LDLRAD4: variants seen among roughly 807,000 people sequenced by gnomAD.
The protein encoded by LDLRAD4 is low-density lipoprotein receptor class A domain-containing protein 4.
In LDLRAD4, 5 loss-of-function variants were observed where a neutral mutation model predicts 17.0. The ratio of observed to expected loss-of-function variants is 0.29; its 90% CI spans 0.15 to 0.62. The LOEUF (loss-of-function observed/expected upper bound fraction) is 0.62, where lower values mean the gene tolerates loss of function less well. Among genes scored for constraint, LDLRAD4 ranks in the 20% least tolerant of loss-of-function variants. The pLI, the probability that LDLRAD4 is intolerant of heterozygous loss-of-function variation, is 0.84. For missense variants in LDLRAD4, 340 were observed against 424.7 expected, an observed-to-expected ratio of 0.80 and a Z score of 1.75; for synonymous variants, 168 against 171.8, an observed-to-expected ratio of 0.98 and a Z score of 0.17.
intron 2 of LDLRAD4, among the ~76,000 whole-genome samples, chr18:13,391,304 G>T (rs1392699282): frequency 2.6e-5 from 4 of 152,148 alleles, no homozygotes; most frequent in Non-Finnish European, 4.4e-5. Flanking sequence ...CACTCGGGCT[G>T]TGGGGGAGGG....
intron 3 of LDLRAD4, among the ~76,000 whole-genome samples, chr18:13,594,193 G>A (rs553179356): frequency 1.3e-5 from 2 of 152,140 alleles, no homozygotes; most frequent in Non-Finnish European, 2.9e-5. Context: ...GGTAGAGCAG[G>A]TGTGTGCCAT....
At chr18:13,608,343 A>C (rs1299513655) in intron 3 of LDLRAD4, among the ~76,000 whole-genome samples, 1 of 151,854 alleles carries the variant, frequency 6.6e-6, no homozygotes, top group Non-Finnish European at 1.5e-5. Flanking sequence ...AGGGGGAGGC[A>C]ACTGGAGGGG....
At chr18:13,590,050 CAT>C (rs1368423576) in intron 3 of LDLRAD4, among the ~76,000 whole-genome samples, 2 of 146,592 alleles carry the variant, frequency 1.4e-5, no homozygotes, top group Non-Finnish European at 3.0e-5. Flanking sequence ...TGTGAGTGTG[CAT>C]GTGTGTGACT....
At chr18:13,504,935 G>A (rs771601111) in intron 3 of LDLRAD4, among the ~76,000 whole-genome samples, 7 of 152,098 alleles carry the variant, frequency 4.6e-5, no homozygotes, top group Non-Finnish European at 1.0e-4. Context: ...CACATGCACC[G>A]ACGAGGGGTG....
intron 3 of LDLRAD4, among the ~76,000 whole-genome samples, chr18:13,445,247 CTGTG>C (rs768943125): frequency 1.3e-5 from 2 of 152,096 alleles, no homozygotes; most frequent in South Asian, 4.1e-4. Flanking sequence ...AGGTGTGAGT[CTGTG>C]TGTGTATGCA....
At chr18:13,298,935 A>G (rs562872161) in intron 1 of LDLRAD4, among the ~76,000 whole-genome samples, 3 of 152,282 alleles carry the variant, frequency 2.0e-5, no homozygotes, top group South Asian at 2.1e-4. Context: ...ATTCTGGGGG[A>G]GCATCCACAG....
chr18:13,482,371 T>C (rs1476911796), intron 3 of LDLRAD4, among the ~76,000 whole-genome samples: 1 of 152,210 alleles, frequency 6.6e-6, no homozygotes, highest in East Asian at 1.9e-4. Context: ...CATGTGCTTA[T>C]TCTGTGCAAA....
At chr18:13,352,130 A>G (rs1364130351) in intron 1 of LDLRAD4, among the ~76,000 whole-genome samples, 1 of 152,202 alleles carries the variant, frequency 6.6e-6, no homozygotes. Context: ...AATAAGAACT[A>G]TTTATGACAG....
chr18:13,281,448 C>T (rs1489876755), intron 1 of LDLRAD4, among the ~76,000 whole-genome samples: 1 of 152,034 alleles, frequency 6.6e-6, no homozygotes, highest in Non-Finnish European at 1.5e-5. Context: ...CCACAAAAGA[C>T]AATTGGAGTT....
chr18:13,495,314 G>A (rs1418832229), intron 3 of LDLRAD4, among the ~76,000 whole-genome samples: 5 of 152,160 alleles, frequency 3.3e-5, no homozygotes, highest in African/African-American at 7.2e-5. Context: ...TCTGAGAAAG[G>A]AACAGAACCC....
chr18:13,533,965 G>A (rs1211252429), intron 3 of LDLRAD4, among the ~76,000 whole-genome samples: 1 of 152,116 alleles, frequency 6.6e-6, no homozygotes, highest in African/African-American at 2.4e-5. Context: ...ACTTGAGAGG[G>A]TCGTGAAGCT....
At chr18:13,348,833 C>T (rs571619648) in intron 1 of LDLRAD4, among the ~76,000 whole-genome samples, 16 of 152,192 alleles carry the variant, frequency 1.1e-4, no homozygotes, top group Non-Finnish European at 2.1e-4. Context: ...GCTGTGCTAG[C>T]AATAAACGAG....
intron 3 of LDLRAD4, among the ~76,000 whole-genome samples, chr18:13,619,585 ACACT>A (rs895074799): frequency 5.3e-5 from 8 of 151,632 alleles, no homozygotes; most frequent in Non-Finnish European, 1.2e-4. Flanking sequence ...TAGGAAGTAG[ACACT>A]CAAACCCCAA....
intron 3 of LDLRAD4, chr18:13,490,247 C>A (rs987166138): frequency 1.3e-5 from 2 of 152,156 alleles, no homozygotes; most frequent in Non-Finnish European, 2.9e-5. Flanking sequence ...AATCGGATAA[C>A]AATAACCTAA....
intron 4 of LDLRAD4, among the ~76,000 whole-genome samples, chr18:13,625,384 G>A (rs1240318854): frequency 2.0e-5 from 3 of 152,150 alleles, no homozygotes; most frequent in African/African-American, 7.2e-5. Context: ...GGAGGAGGAG[G>A]ATGAGCAGGC....
intron 3 of LDLRAD4, among the ~76,000 whole-genome samples, chr18:13,511,718 G>A (rs544241523): frequency 6.6e-6 from 1 of 151,492 alleles, no homozygotes; most frequent in African/African-American, 2.4e-5. Context: ...TAGGAAAGGC[G>A]GGGACATGGG....
intron 3 of LDLRAD4, among the ~76,000 whole-genome samples, chr18:13,452,215 G>T (rs1169635598): frequency 6.6e-6 from 1 of 152,206 alleles, no homozygotes; most frequent in Admixed American, 6.5e-5. Context: ...CACAGCAGGA[G>T]ATGAATAGGG....
chr18:13,337,645 C>T (rs1171652709), intron 1 of LDLRAD4, among the ~76,000 whole-genome samples: 1 of 151,100 alleles, frequency 6.6e-6, no homozygotes, highest in Non-Finnish European at 1.5e-5. Flanking sequence ...CCTGTAATAT[C>T]AGCAACTTGG....
At chr18:13,402,399 A>G (rs996028874) in intron 2 of LDLRAD4, among the ~76,000 whole-genome samples, 3 of 152,240 alleles carry the variant, frequency 2.0e-5, no homozygotes, top group Admixed American at 6.5e-5. Context: ...CTTGAATTAC[A>G]GGATTGTTGT....
Sources: allele counts gnomAD v4.1 joint callset (sites outside exome capture counted in the v4.1 genomes callset), GRCh38; gene constraint gnomAD v4.1.1; transcripts MANE v1.5; gene names NCBI Gene and HGNC (gene_info 2026-07-23, HGNC 2026-07-21).